Variants in ZNF66 observed in about 807,000 individuals in gnomAD.
ZNF66 encodes putative zinc finger protein 66.
In ZNF66, 32 loss-of-function variants were observed where a neutral mutation model predicts 35.2. The ratio of observed to expected loss-of-function variants is 0.91; its 90% CI spans 0.69 to 1.22. The LOEUF (loss-of-function observed/expected upper bound fraction) is 1.22, where lower values mean the gene tolerates loss of function less well. Ranked by LOEUF, ZNF66 falls within the 50% of genes most tolerant of loss-of-function variation. The pLI, the probability that ZNF66 is intolerant of heterozygous loss-of-function variation, is 0.00. For synonymous variants in ZNF66, 231 were observed against 181.3 expected (o/e 1.27, Z -2.20); for missense variants, 666 against 543.1 (o/e 1.23, Z -2.25).
chr19:20,793,336 T>TC (rs1164253651), intron 2 of ZNF66, among the ~76,000 whole-genome samples: 28 of 136,034 alleles, frequency 2.1e-4, no homozygotes, highest in African/African-American at 6.4e-4. Flanking sequence ...TCTTTTCTTT[T>TC]TTTTTTTTTT....
intron 1 of ZNF66, chr19:20,784,829 T>G (rs1052752123): frequency 6.6e-6 from 1 of 152,288 alleles, no homozygotes; most frequent in Non-Finnish European, 1.5e-5. Context: ...AACAATCTTA[T>G]ATCTAATCTG....
In ZNF66 at chr19:20,809,301, C is replaced by T. The variant is rs936524957; in HGVS notation, c.*1979C>T. Among the ~76,000 whole-genome samples the T allele has an allele frequency of 1.2e-4, 18 of 151,920 alleles. No individual in the cohort carries two copies. Among genetic ancestry groups the T allele is most frequent in the African/African-American group, 3.6e-4 (15 of 41,358 alleles). ...ACTTCCCCAATCTAGCAAGGCAGGCCAACATTCAGATTCAGGAAATACAGA... is the reference window on the plus strand; with the variant it reads ...ACTTCCCCAATCTAGCAAGGCAGGCTAACATTCAGATTCAGGAAATACAGA... On this transcript the variant is annotated 3_prime_UTR_variant, in exon 4 of 4. Coordinates refer to ENST00000344519, the MANE Select transcript of ZNF66 (RefSeq NM_001355197.2).
rs140189837 is a variant in ZNF66, at chr19:20,808,610, C to T, written c.*1288C>T. Among the ~76,000 whole-genome samples the T allele has an allele frequency of 0.069, 10,434 of 152,066 alleles. 467 individuals carry two copies. Among genetic ancestry groups the T allele is most frequent in the Middle Eastern group, 0.11 (33 of 294 alleles). ...GCGTCTGGAGTGGACCTCTAGCAAA[C>T]TCCAACAGACCTGCAGCTGAGGGTC... On this transcript the variant is annotated 3_prime_UTR_variant, in exon 4 of 4. Coordinates refer to ENST00000344519, the MANE Select transcript of ZNF66 (RefSeq NM_001355197.2).
chr19:20,807,896 G>A lies in ZNF66; in HGVS notation c.*574G>A, dbSNP rs1214736239. On this transcript the variant is annotated 3_prime_UTR_variant, in exon 4 of 4. Transcript: ENST00000344519. ...GGGTGCAGTGCACTGTGCATGAGCT[G>A]AAGCAGGGCGAGGCATTGCCTCACT... Among the ~76,000 whole-genome samples the A allele has an allele frequency of 6.6e-6, 1 of 152,210 alleles. No individual in the cohort carries two copies. The highest frequency in any genetic ancestry group is 2.4e-5 in the African/African-American group (1 of 41,458).
chr19:20,790,936 AT>A (rs1971331468), intron 1 of ZNF66, among the ~76,000 whole-genome samples: 1 of 152,140 alleles, frequency 6.6e-6, no homozygotes, highest in Non-Finnish European at 1.5e-5. Flanking sequence ...TCTGAAAAGT[AT>A]TTCTTCCCTG....
chr19:20,790,198 G>A (rs1229226328), intron 1 of ZNF66, among the ~76,000 whole-genome samples: 1 of 152,220 alleles, frequency 6.6e-6, no homozygotes, highest in Non-Finnish European at 1.5e-5. Flanking sequence ...GTGATTATCA[G>A]CCCAGGGTTC....
chr19:20,793,533 G>A (rs1241817790), intron 2 of ZNF66, among the ~76,000 whole-genome samples: 5 of 151,744 alleles, frequency 3.3e-5, no homozygotes, highest in Non-Finnish European at 7.4e-5. Context: ...ATGCTGGCCA[G>A]GCTGGTCTCA....
chr19:20,801,453 C>T (rs904337022), intron 3 of ZNF66, among the ~76,000 whole-genome samples: 1 of 151,782 alleles, frequency 6.6e-6, no homozygotes, highest in Non-Finnish European at 1.5e-5. Flanking sequence ...AAGTGATTCT[C>T]CTGCCTCAGC....
intron 1 of ZNF66, among the ~76,000 whole-genome samples, chr19:20,786,279 A>G (rs769793897): frequency 2.6e-5 from 4 of 152,138 alleles, no homozygotes; most frequent in Non-Finnish European, 5.9e-5. Context: ...GTTCTCTACA[A>G]TCACTTCTAG....
intron 1 of ZNF66, among the ~76,000 whole-genome samples, chr19:20,780,244 A>G (rs1971233889): frequency 2.0e-5 from 3 of 152,198 alleles, no homozygotes; most frequent in Non-Finnish European, 2.9e-5. Context: ...GTTTGTTTGC[A>G]TAAATTGTTC....
intron 3 of ZNF66, among the ~76,000 whole-genome samples, chr19:20,802,861 G>GAC (rs1287375964): frequency 6.6e-6 from 1 of 151,990 alleles, no homozygotes; most frequent in Non-Finnish European, 1.5e-5. Flanking sequence ...TCTAATCTGA[G>GAC]ACACACACAT....
chr19:20,806,997 C>G lies in ZNF66; in HGVS notation c.1397C>G (p.Ser466Cys). ...EDCGKAFNRS[S>C]NLTKHKKIHT... ...TGTGGCAAAGCCTTTAACCGCTCCTCTAACCTTACTAAACACAAGAAAATT... is the reference window on the plus strand; with the variant it reads ...TGTGGCAAAGCCTTTAACCGCTCCTGTAACCTTACTAAACACAAGAAAATT... Residue 466 changes from serine (S) to cysteine (C), a missense_variant, in exon 4 of 4, where the codon TCT becomes TGT. Ser to Cys is a moderately radical substitution (Grantham distance 112). Transcript: ENST00000344519. The G allele has an allele frequency of 1.0e-6, 1 of 957,494 alleles. No individual in the cohort carries two copies. The highest frequency in any genetic ancestry group is 1.6e-5 in the African/African-American group (1 of 62,588). The allele number at this position is 957,494 out of a possible 1,614,324, so 59.3% of individuals were successfully genotyped here.
At position 20,808,087 on chromosome 19, in the gene ZNF66, C is replaced by T. The variant is rs1971542989; in HGVS notation, c.*765C>T. Among the ~76,000 whole-genome samples, 1 of 149,082 alleles carries T rather than the reference C, an allele frequency of 6.7e-6. No homozygotes were observed. Among genetic ancestry groups the T allele is most frequent in the Admixed American group, 6.6e-5 (1 of 15,084 alleles). Reference sequence around the variant, plus strand: ...TGCAGCTGGCTCAGAGGGTCCTATGCCCATGGAGTCTCACTGATTGCTAGC... The same window carrying T: ...TGCAGCTGGCTCAGAGGGTCCTATGTCCATGGAGTCTCACTGATTGCTAGC... On this transcript the variant is annotated 3_prime_UTR_variant, in exon 4 of 4. Coordinates refer to ENST00000344519, the MANE Select transcript of ZNF66 (RefSeq NM_001355197.2).
chr19:20,808,461 C>A lies in ZNF66; in HGVS notation c.*1139C>A, dbSNP rs1466387347. On this transcript the variant is annotated 3_prime_UTR_variant, in exon 4 of 4. Transcript: ENST00000344519. ...GGAGGCACACCCCAGTAGGGGCAGA[C>A]TGACACTTCACACGGCTGGGTACTC... Among the ~76,000 whole-genome samples the A allele has an allele frequency of 6.6e-6, 1 of 152,172 alleles. No individual in the cohort carries two copies. The highest frequency in any genetic ancestry group is 1.5e-5 in the Non-Finnish European group (1 of 68,028).
Position 20,776,316 on chromosome 19 carries a change from A to G in ZNF66, c.-132A>G. 1.4e-6 allele frequency: 2 copies of G among 1,399,340 alleles called. No homozygotes were observed. Among genetic ancestry groups the G allele is most frequent in the Non-Finnish European group, 2.0e-6 (2 of 991,096 alleles). The allele number at this position is 1,399,340 out of a possible 1,614,324, so 86.7% of individuals were successfully genotyped here. ...TGGCGGGGTCTTTGTCTCTCCCTGC[A>G]GCTGGAGCTCCAGGTCGTCTGTTCA... is the stretch of plus-strand genomic sequence containing the variant. On this transcript the variant is annotated 5_prime_UTR_variant, in exon 1 of 4. Coordinates refer to ENST00000344519, the MANE Select transcript of ZNF66 (RefSeq NM_001355197.2).
intron 3 of ZNF66, among the ~76,000 whole-genome samples, chr19:20,796,313 T>C (rs1035391795): frequency 1.3e-5 from 2 of 152,184 alleles, no homozygotes; most frequent in African/African-American, 4.8e-5. Flanking sequence ...TTTTACTTTC[T>C]ATTTTCTCTT....
chr19:20,778,179 A>G lies in ZNF66; in HGVS notation c.3+1729A>G, dbSNP rs532632689. Among the ~76,000 whole-genome samples, 13 of 152,168 alleles carry G rather than the reference A, an allele frequency of 8.5e-5. No individual in the cohort carries two copies. In the East Asian group the frequency reaches 2.5e-3, roughly 30 times the overall value. On this transcript the variant is annotated intron_variant, in intron 1 of 3. Transcript: ENST00000344519. ...GCAGTGGCGTGATCTCGGCTCACGCAACCTCTGCCTCCCAGGTTCAAGCAG... is the reference window on the plus strand; with the variant it reads ...GCAGTGGCGTGATCTCGGCTCACGCGACCTCTGCCTCCCAGGTTCAAGCAG...
At chr19:20,788,120 G>A (rs1258534722) in intron 1 of ZNF66, among the ~76,000 whole-genome samples, 1 of 152,178 alleles carries the variant, frequency 6.6e-6, no homozygotes, top group Admixed American at 6.5e-5. Context: ...CCAGATGAGA[G>A]TTTCTCCAGT....
At position 20,808,527 on chromosome 19, in the gene ZNF66, T is replaced by C. The variant is rs1971550254; in HGVS notation, c.*1205T>C. On this transcript the variant is annotated 3_prime_UTR_variant, in exon 4 of 4. Coordinates refer to ENST00000344519, the MANE Select transcript of ZNF66 (RefSeq NM_001355197.2). ...CAGAGGACCGATCAGGCAGCAGCAT[T>C]TGTGGTTCATGAAAATCCGCTGTTC... Among the ~76,000 whole-genome samples the C allele has an allele frequency of 6.6e-6, 1 of 152,132 alleles. No homozygotes were observed. The highest frequency in any genetic ancestry group is 2.4e-5 in the African/African-American group (1 of 41,444).
Sources: allele counts gnomAD v4.1 joint callset (sites outside exome capture counted in the v4.1 genomes callset), GRCh38; gene constraint gnomAD v4.1.1; transcripts MANE v1.5; gene names NCBI Gene and HGNC (gene_info 2026-07-23, HGNC 2026-07-21).